Variants in KIF1A observed in about 807,000 individuals in gnomAD.
KIF1A encodes kinesin-like protein KIF1A.
Under a neutral mutation model 227.3 loss-of-function variants are expected in KIF1A, and 46 were observed. The ratio of observed to expected loss-of-function variants is 0.20; its 90% CI spans 0.16 to 0.26. The LOEUF (loss-of-function observed/expected upper bound fraction) is 0.26. Among genes scored for constraint, KIF1A ranks in the 10% least tolerant of loss-of-function variants. The pLI, the probability that KIF1A is intolerant of heterozygous loss-of-function variation, is 1.00. For synonymous variants in KIF1A, 1,022 were observed against 1,012.8 expected, an observed-to-expected ratio of 1.01 and a Z score of -0.17; for missense variants, 1,683 against 2,485.9, an observed-to-expected ratio of 0.68 and a Z score of 6.87.
intron 1 of KIF1A, among the ~76,000 whole-genome samples, chr2:240,800,013 C>T (rs2056816669): frequency 6.6e-6 from 1 of 151,750 alleles, no homozygotes; most frequent in African/African-American, 2.4e-5. Flanking sequence ...AGAGAGGAAA[C>T]ATCCCCTACC....
At chr2:240,779,254 ACAC>A (rs879486534) in intron 10 of KIF1A, among the ~76,000 whole-genome samples, 6,809 of 136,100 alleles carry the variant, frequency 0.05, 265 homozygotes, top group Non-Finnish European at 0.073. Flanking sequence ...ACTCAGTTCC[ACAC>A]TCAGTTCCTC....
At chr2:240,812,254 AG>A (rs1323249240) in intron 1 of KIF1A, among the ~76,000 whole-genome samples, 14 of 152,150 alleles carry the variant, frequency 9.2e-5, no homozygotes, top group Non-Finnish European at 1.8e-4. Context: ...TCCCTGTGGA[AG>A]GGGGCTGGGG....
chr2:240,794,549 G>A (rs1185345057), intron 2 of KIF1A, among the ~76,000 whole-genome samples: 8 of 152,228 alleles, frequency 5.3e-5, no homozygotes, highest in African/African-American at 1.2e-4. Context: ...ACTCAGGTCC[G>A]CTGCCGGGAT....
At chr2:240,756,573 T>C (rs1331089112) in intron 27 of KIF1A, among the ~76,000 whole-genome samples, 4 of 152,232 alleles carry the variant, frequency 2.6e-5, no homozygotes, top group South Asian at 2.1e-4. Context: ...CATGAGGGCA[T>C]TGGGCCACAT....
In KIF1A at chr2:240,788,359, TGCC is replaced by T; in HGVS notation, c.184-132_184-130del. 2.5e-6 allele frequency: 2 copies of T among 788,306 alleles called. No individual in the cohort carries two copies. The highest frequency in any genetic ancestry group is 2.1e-6 in the Non-Finnish European group (1 of 474,802). The allele number at this position is 788,306 out of a possible 1,614,324, so 48.8% of individuals were successfully genotyped here. A position where few individuals can be genotyped will look rare whatever the true frequency, so the allele number is the denominator to read the frequency against. On this transcript the variant is annotated intron_variant, in intron 3 of 48. Transcript: ENST00000498729. This position sits in a 1 kb window ranked among gnomAD's most constrained non-coding sequence, Gnocchi z 6.6. ...GGGCAGCACAGTGGGGAGGGATGCC[TGCC>T]CCCCATCCTACTCCTGCCTTGTGGG...
At position 240,752,235 on chromosome 2, in the gene KIF1A, C is replaced by A. The variant is rs539725633; in HGVS notation, c.2859-1688G>T. On this transcript the variant is annotated intron_variant, in intron 27 of 48. Transcript: ENST00000498729. This position sits in a 1 kb window ranked among gnomAD's most constrained non-coding sequence, Gnocchi z 6.4. Reference sequence around the variant, plus strand: ...GACTTGTTACCCACAGGGCTGCAGGCGGCTCTGCCTGACTTAGGTGTGGGG... The same window carrying A: ...GACTTGTTACCCACAGGGCTGCAGGAGGCTCTGCCTGACTTAGGTGTGGGG... Among the ~76,000 whole-genome samples, 1 of 151,982 alleles carries A rather than the reference C, an allele frequency of 6.6e-6. No individual in the cohort carries two copies. Among genetic ancestry groups the A allele is most frequent in the African/African-American group, 2.4e-5 (1 of 41,378 alleles).
At chr2:240,764,541 G>A (rs1343078614) in intron 20 of KIF1A, among the ~76,000 whole-genome samples, 1 of 152,166 alleles carries the variant, frequency 6.6e-6, no homozygotes, top group East Asian at 1.9e-4. Flanking sequence ...GCCTTCGGGG[G>A]TGGGCAGATG....
At chr2:240,769,531 C>A (rs956069196) in intron 16 of KIF1A, 96 bp downstream of exon 16, 68 of 1,029,654 alleles carry the variant, frequency 6.6e-5, no homozygotes, top group Admixed American at 4.8e-4. Flanking sequence ...TGCAGGTGCC[C>A]AGCACTGGAG....
intron 34 of KIF1A, among the ~76,000 whole-genome samples, chr2:240,741,909 C>T (rs2048017557): frequency 1.3e-5 from 2 of 152,224 alleles, no homozygotes; most frequent in African/African-American, 4.8e-5. Context: ...TCCTCACATC[C>T]TTCACCCACC....
chr2:240,764,548 G>C (rs1226336172), intron 20 of KIF1A, among the ~76,000 whole-genome samples: 1 of 152,158 alleles, frequency 6.6e-6, no homozygotes, highest in African/African-American at 2.4e-5. Context: ...GGGGTGGGCA[G>C]ATGGGCTAGA....
At chr2:240,737,782 T>C (rs1004782067) in intron 37 of KIF1A, among the ~76,000 whole-genome samples, 2 of 152,226 alleles carry the variant, frequency 1.3e-5, no homozygotes, top group African/African-American at 4.8e-5. Context: ...CACCTAGTAA[T>C]TTCTTGGCCA....
intron 12 of KIF1A, 71 bp from the exon 13 acceptor site, chr2:240,773,327 G>A: frequency 6.3e-7 from 1 of 1,587,242 alleles, no homozygotes; most frequent in Non-Finnish European, 8.6e-7. Context: ...AGGGTGCCTA[G>A]AGCCCTGCCC....
In KIF1A at chr2:240,740,211, A is replaced by G; in HGVS notation, c.3817-69T>C. ...GCTACGTAGGGTGAGGGAGGGGGAC[A>G]CAGGCAGGGTAGGGGCAGGGAGAGG... On this transcript the variant is annotated intron_variant, in intron 36 of 48. Transcript: ENST00000498729. The surrounding 1 kb of genome is among the most constrained non-coding windows in gnomAD (Gnocchi z 6.1). 2.6e-6 allele frequency: 4 copies of G among 1,561,602 alleles called. No individual in the cohort carries two copies. Among genetic ancestry groups the G allele is most frequent in the Non-Finnish European group, 3.5e-6 (4 of 1,139,170 alleles).
intron 42 of KIF1A, 98 bp from the exon 43 acceptor site, chr2:240,722,754 C>G: frequency 4.2e-6 from 4 of 953,784 alleles, no homozygotes; most frequent in Non-Finnish European, 6.0e-6. Context: ...GGGCAGACCC[C>G]GGAGAGCCCA....
At chr2:240,743,075 ATC>A in intron 33 of KIF1A, 91 bp from the exon 34 acceptor site, 1 of 1,016,664 alleles carries the variant, frequency 9.8e-7, no homozygotes, top group Non-Finnish European at 1.4e-6. Flanking sequence ...CCAGGTGCCC[ATC>A]CCGGCCCCTC....
intron 2 of KIF1A, among the ~76,000 whole-genome samples, chr2:240,796,656 C>T (rs982742724): frequency 6.6e-6 from 1 of 152,154 alleles, no homozygotes; most frequent in African/African-American, 2.4e-5. Context: ...GCCTCCATAC[C>T]CTGGAGTTTA....
chr2:240,771,746 A>G (rs2052024307), intron 14 of KIF1A, among the ~76,000 whole-genome samples: 1 of 152,176 alleles, frequency 6.6e-6, no homozygotes, highest in Non-Finnish European at 1.5e-5. Flanking sequence ...AAATTGGCCC[A>G]GAGACCATCC....
Position 240,745,452 on chromosome 2 carries a change from G to T in KIF1A, c.3440C>A (p.Pro1147Gln). 1 of 1,613,496 alleles carries T rather than the reference G, an allele frequency of 6.2e-7. No homozygotes were observed. The highest frequency in any genetic ancestry group is 8.5e-7 in the Non-Finnish European group (1 of 1,179,546). ...EPLKNTGRGP[P>Q]LGFYHVQNIA... ...GTTCTGGACGTGGTAGAAGCCAAGT[G>T]GGGGGCCTCTGCCTGTGTTCTTCAG... is the stretch of plus-strand genomic sequence containing the variant. Residue 1147 changes from proline to glutamine, a missense_variant, in exon 32 of 49, where the codon CCA (proline) becomes CAA (glutamine). Transcript: ENST00000498729.
intron 40 of KIF1A, 58 bp from the exon 41 acceptor site, chr2:240,724,094 G>A: frequency 6.8e-7 from 1 of 1,470,372 alleles, no homozygotes; most frequent in Non-Finnish European, 9.5e-7. Context: ...GGGACACACA[G>A]CCAGCCTGGC....
Sources: gnomAD v4.1 joint callset for allele counts (sites outside exome capture counted in the v4.1 genomes callset) on GRCh38, gnomAD v4.1.1 for gene constraint, Gnocchi (gnomAD v3.1) non-coding constraint, MANE v1.5 for transcripts, NCBI Gene and HGNC (gene_info 2026-07-23, HGNC 2026-07-21) for gene names.